Variants in CFHR5 observed in about 807,000 individuals in gnomAD.
CFHR5 encodes complement factor H related 5.
A neutral mutation model predicts 62.9 loss-of-function variants in CFHR5; 73 were observed. The ratio of observed to expected loss-of-function variants is 1.16; its 90% CI spans 0.96 to 1.41. The LOEUF (loss-of-function observed/expected upper bound fraction) is 1.41. Among genes scored for constraint, CFHR5 ranks in the 40% most tolerant of loss-of-function variants. CFHR5 has a pLI of 0.00. For synonymous variants in CFHR5, 249 were observed against 227.2 expected (o/e 1.10, Z -0.86); for missense variants, 779 against 679.9 (o/e 1.15, Z -1.62).
Position 196,994,256 on chromosome 1 carries a change from G to A in CFHR5, c.607G>A (p.Gly203Arg). The A allele has an allele frequency of 6.2e-7, 1 of 1,609,118 alleles. No individual in the cohort carries two copies. Among genetic ancestry groups the A allele is most frequent in the Admixed American group, 1.7e-5 (1 of 59,986 alleles). Reference sequence around the variant, plus strand: ...GTCACCTAACTTTCCAACATGCAAAGGTCAGTATTTATTTTAGAAGTGATG... The same window carrying A: ...GTCACCTAACTTTCCAACATGCAAAAGTCAGTATTTATTTTAGAAGTGATG... ...GWSPNFPTCK[G>R]QVRSCGPPPQ... Residue 203 changes from glycine (G) to arginine (R), a missense_variant and splice_region_variant, in exon 4 of 10, where the codon GGA (glycine) becomes AGA (arginine). Physicochemically the swap from Gly to Arg is moderately radical, Grantham distance 125. Coordinates refer to ENST00000256785, the MANE Select transcript of CFHR5 (RefSeq NM_030787.4).
chr1:196,993,552 C>G (rs1190503433), intron 3 of CFHR5, among the ~76,000 whole-genome samples: 1 of 152,136 alleles, frequency 6.6e-6, no homozygotes, highest in Non-Finnish European at 1.5e-5. Context: ...CCACCTTGGC[C>G]TCCCAAAGTG....
chr1:197,002,260 A>G (rs1654172074), intron 7 of CFHR5, among the ~76,000 whole-genome samples: 1 of 152,156 alleles, frequency 6.6e-6, no homozygotes, highest in Admixed American at 6.5e-5. Context: ...TTTTAAACTA[A>G]TGGTTATAAC....
intron 1 of CFHR5, among the ~76,000 whole-genome samples, chr1:196,980,067 A>T (rs926027248): frequency 6.6e-6 from 1 of 152,052 alleles, no homozygotes; most frequent in East Asian, 1.9e-4. Flanking sequence ...ACAAACACAC[A>T]CATTAACCTC....
Position 197,008,534 on chromosome 1 carries a change from T to C in CFHR5, c.1561T>C (p.Leu521=), listed in dbSNP as rs35957013. 17 of 1,613,418 alleles carry C rather than the reference T, an allele frequency of 1.1e-5. No individual in the cohort carries two copies. The highest frequency in any genetic ancestry group is 1.4e-5 in the Non-Finnish European group (17 of 1,179,584). ...AAACATGAACAAAAATAACATACAG[T>C]TAAAATGGAGAAACGATGGAAAACT... The part of the protein sequence containing the change: ...EENMNKNNIQ[L]KWRNDGKLYA... The change falls in exon 10 of 10, where the codon TTA becomes CTA. Residue 521 remains leucine (L), a synonymous_variant. Coordinates refer to ENST00000256785, the MANE Select transcript of CFHR5 (RefSeq NM_030787.4).
intron 7 of CFHR5, among the ~76,000 whole-genome samples, chr1:197,000,222 T>C (rs1472708393): frequency 1.3e-5 from 2 of 152,078 alleles, no homozygotes; most frequent in African/African-American, 2.4e-5. Flanking sequence ...TGGTAGCTAG[T>C]AGTCTGGAAA....
chr1:196,986,860 T>C (rs540120574), intron 3 of CFHR5, among the ~76,000 whole-genome samples: 68 of 152,320 alleles, frequency 4.5e-4, no homozygotes, highest in African/African-American at 1.6e-3. Context: ...GCAGCATGAT[T>C]TATAATCTTA....
intron 9 of CFHR5, among the ~76,000 whole-genome samples, chr1:197,008,035 AAG>A (rs897422636): frequency 4.7e-5 from 7 of 148,606 alleles, no homozygotes; most frequent in Non-Finnish European, 8.9e-5. Context: ...GATTTTAAGA[AAG>A]AGTGAGTGAT....
At chr1:196,978,967 G>A (rs1653467154) in intron 1 of CFHR5, among the ~76,000 whole-genome samples, 1 of 152,134 alleles carries the variant, frequency 6.6e-6, no homozygotes, top group Non-Finnish European at 1.5e-5. Flanking sequence ...TTGTCTAGGT[G>A]TTAAATGACC....
At chr1:196,989,096 G>A (rs1252900585) in intron 3 of CFHR5, among the ~76,000 whole-genome samples, 1 of 152,040 alleles carries the variant, frequency 6.6e-6, no homozygotes, top group Non-Finnish European at 1.5e-5. Context: ...GTTTAGTCTT[G>A]GGAGGATGTA....
At chr1:197,003,477 C>T (rs1405066015) in intron 8 of CFHR5, among the ~76,000 whole-genome samples, 1 of 152,154 alleles carries the variant, frequency 6.6e-6, no homozygotes, top group Non-Finnish European at 1.5e-5. Context: ...ACACATTTCT[C>T]AGAATATCTT....
At chr1:196,980,906 G>T (rs1653525872) in intron 1 of CFHR5, among the ~76,000 whole-genome samples, 1 of 152,008 alleles carries the variant, frequency 6.6e-6, no homozygotes, top group African/African-American at 2.4e-5. Context: ...CTATAATTTT[G>T]CAATTTTCAA....
chr1:197,002,471 A>G lies in CFHR5; in HGVS notation c.1148-11A>G. ...TTATTAATCATATAATTTAATTCCA[A>G]TATTTTGTAGAAAAAAGGGAACAAT... is the stretch of plus-strand genomic sequence containing the variant. On this transcript the variant is annotated splice_polypyrimidine_tract_variant and intron_variant, in intron 7 of 9. Transcript: ENST00000256785. 6.2e-7 allele frequency: 1 copy of G among 1,605,884 alleles called. No individual in the cohort carries two copies. Among genetic ancestry groups the G allele is most frequent in the Non-Finnish European group, 8.5e-7 (1 of 1,173,300 alleles).
intron 1 of CFHR5, among the ~76,000 whole-genome samples, chr1:196,980,193 C>G (rs1170882): frequency 0.2 from 29,724 of 151,862 alleles, 5,258 homozygotes; most frequent in African/African-American, 0.48. Context: ...GATAACAAAG[C>G]CTTCTTCTGG....
chr1:196,977,351 T>C (rs1653420667), upstream of CFHR5, among the ~76,000 whole-genome samples: 1 of 150,582 alleles, frequency 6.6e-6, no homozygotes, highest in South Asian at 2.1e-4. Flanking sequence ...CTCTAAACAG[T>C]CCATTTCTGA....
At chr1:196,999,722 T>TATATATATAC (rs1164729053) in intron 7 of CFHR5, among the ~76,000 whole-genome samples, 47 of 116,120 alleles carry the variant, frequency 4.0e-4, no homozygotes, top group African/African-American at 1.6e-3. Flanking sequence ...TATATATATA[T>TATATATATAC]ACACACACAC....
intron 2 of CFHR5, among the ~76,000 whole-genome samples, chr1:196,983,422 T>C (rs1482897496): frequency 6.6e-6 from 1 of 152,226 alleles, no homozygotes; most frequent in Admixed American, 6.5e-5. Context: ...ATATAGATAT[T>C]CTGTTTTGAA....
chr1:196,992,722 A>C (rs1486299625), intron 3 of CFHR5, among the ~76,000 whole-genome samples: 1 of 152,214 alleles, frequency 6.6e-6, no homozygotes, highest in Non-Finnish European at 1.5e-5. Flanking sequence ...AAAAAAGACT[A>C]TAAACAACCA....
At chr1:196,978,938 A>T (rs1369580675) in intron 1 of CFHR5, among the ~76,000 whole-genome samples, 1 of 152,166 alleles carries the variant, frequency 6.6e-6, no homozygotes, top group Admixed American at 6.5e-5. Context: ...GATAAACTTT[A>T]GTGAAATTCT....
chr1:196,998,013 TTAAGAA>T (rs1270277369), intron 6 of CFHR5, 109 bp from the exon 7 acceptor site: 26 of 690,102 alleles, frequency 3.8e-5, no homozygotes, highest in African/African-American at 1.3e-4. Flanking sequence ...TGCAATGAGA[TTAAGAA>T]TAAGTTTTGT....
Sources: gnomAD v4.1 joint callset for allele counts (sites outside exome capture counted in the v4.1 genomes callset) on GRCh38, gnomAD v4.1.1 for gene constraint, MANE v1.5 for transcripts, NCBI Gene and HGNC (gene_info 2026-07-23, HGNC 2026-07-21) for gene names.